Variants in RALYL observed in about 807,000 individuals in gnomAD.
The protein encoded by RALYL is RNA-binding Raly-like protein.
RALYL carries 29 observed loss-of-function variants against 35.1 expected under a neutral mutation model. That is an observed-to-expected ratio of 0.83 (90% CI 0.61 to 1.13). The LOEUF (loss-of-function observed/expected upper bound fraction) is 1.13. Among genes scored for constraint, RALYL ranks in the 50% most tolerant of loss-of-function variants. RALYL has a pLI of 0.00. For synonymous variants in RALYL, 120 were observed against 127.6 expected, an observed-to-expected ratio of 0.94 and a Z score of 0.40; for missense variants, 359 against 360.4, an observed-to-expected ratio of 1.00 and a Z score of 0.03.
chr8:84,693,338 G>A (rs979300590), intron 2 of RALYL, among the ~76,000 whole-genome samples: 8 of 151,756 alleles, frequency 5.3e-5, no homozygotes, highest in Non-Finnish European at 8.8e-5. Context: ...AAGCAAACAC[G>A]TCCTTCTTCA....
intron 6 of RALYL, chr8:84,873,020 T>G (rs1840501619): frequency 6.6e-6 from 2 of 304,278 alleles, no homozygotes; most frequent in Non-Finnish European, 1.2e-5. Context: ...AAAATATTTC[T>G]TAATTCCGTT....
intron 5 of RALYL, among the ~76,000 whole-genome samples, chr8:84,854,949 GGGGT>G (rs1339695512): frequency 6.6e-6 from 1 of 152,272 alleles, no homozygotes; most frequent in Non-Finnish European, 1.5e-5. Context: ...GACAGGTGCT[GGGGT>G]CTTTGAGGGA....
chr8:84,550,229 C>T (rs1240629143), intron 2 of RALYL, among the ~76,000 whole-genome samples: 1 of 152,070 alleles, frequency 6.6e-6, no homozygotes, highest in Non-Finnish European at 1.5e-5. Flanking sequence ...TTCTCCCTCT[C>T]TCTCCCCTCC....
intron 8 of RALYL, among the ~76,000 whole-genome samples, chr8:84,892,481 G>A (rs557048381): frequency 6.6e-6 from 1 of 152,012 alleles, no homozygotes; most frequent in South Asian, 2.1e-4. Flanking sequence ...ATGGTAGCAG[G>A]TACCTGTAAT....
chr8:84,542,652 G>A (rs376294924), intron 2 of RALYL, among the ~76,000 whole-genome samples: 3 of 152,202 alleles, frequency 2.0e-5, no homozygotes, highest in East Asian at 3.9e-4. Context: ...ATGATTGTAA[G>A]TTTCCTGAGG....
intron 5 of RALYL, among the ~76,000 whole-genome samples, chr8:84,859,326 C>T (rs2135004666): frequency 6.6e-6 from 1 of 152,164 alleles, no homozygotes; most frequent in Non-Finnish European, 1.5e-5. Context: ...GCCTCTGGTC[C>T]TTTTGTTACT....
intron 1 of RALYL, among the ~76,000 whole-genome samples, chr8:84,325,045 C>A (rs949940305): frequency 6.6e-6 from 1 of 152,040 alleles, no homozygotes; most frequent in Admixed American, 6.6e-5. Flanking sequence ...CTCATTGTGG[C>A]ATAAAGATTG....
At chr8:84,735,005 T>G (rs907898277) in intron 2 of RALYL, among the ~76,000 whole-genome samples, 1 of 146,570 alleles carries the variant, frequency 6.8e-6, no homozygotes, top group South Asian at 2.2e-4. Context: ...ATAGATATGT[T>G]TGTGTGTGTG....
At chr8:84,614,970 T>C (rs1447719248) in intron 2 of RALYL, among the ~76,000 whole-genome samples, 1 of 151,602 alleles carries the variant, frequency 6.6e-6, no homozygotes, top group Non-Finnish European at 1.5e-5. Context: ...TGAGGAATGA[T>C]GGCATAAATT....
chr8:84,802,602 A>AAAAG (rs139199262), intron 3 of RALYL, among the ~76,000 whole-genome samples: 2,008 of 152,272 alleles, frequency 0.013, 44 homozygotes, highest in African/African-American at 0.046. Context: ...CCTTCAAAAA[A>AAAAG]AAAGAGAGAG....
chr8:84,888,626 T>C (rs1195714099), intron 8 of RALYL, among the ~76,000 whole-genome samples: 2 of 152,210 alleles, frequency 1.3e-5, no homozygotes. Context: ...ACTTAACTCA[T>C]TTTGTCATGG....
At chr8:84,315,831 A>G (rs556554653) in intron 1 of RALYL, among the ~76,000 whole-genome samples, 55 of 151,786 alleles carry the variant, frequency 3.6e-4, no homozygotes, top group African/African-American at 1.3e-3. Flanking sequence ...AAAAAAAAAA[A>G]ACTTTCTGAA....
chr8:84,672,199 T>C (rs768005179), intron 2 of RALYL, among the ~76,000 whole-genome samples: 9 of 152,166 alleles, frequency 5.9e-5, no homozygotes, highest in Admixed American at 4.6e-4. Flanking sequence ...TGCTAAAGCA[T>C]AACAGGAGTC....
intron 3 of RALYL, among the ~76,000 whole-genome samples, chr8:84,794,721 GC>G (rs918229875): frequency 6.6e-6 from 1 of 152,082 alleles, no homozygotes; most frequent in African/African-American, 2.4e-5. Flanking sequence ...CCTCACTGCT[GC>G]CCCCAAAGCT....
intron 1 of RALYL, among the ~76,000 whole-genome samples, chr8:84,521,289 GGCTGTCA>G (rs2058439146): frequency 6.6e-6 from 1 of 152,186 alleles, no homozygotes; most frequent in Non-Finnish European, 1.5e-5. Context: ...AACCCAAATT[GGCTGTCA>G]GCTTGATCTG....
intron 1 of RALYL, among the ~76,000 whole-genome samples, chr8:84,294,567 C>A (rs1212433426): frequency 2.0e-5 from 3 of 151,912 alleles, no homozygotes; most frequent in African/African-American, 7.2e-5. Flanking sequence ...ATTCTAAAAG[C>A]TTCTCCTGTA....
intron 2 of RALYL, among the ~76,000 whole-genome samples, chr8:84,573,927 T>A (rs1256575882): frequency 2.0e-5 from 3 of 151,960 alleles, no homozygotes; most frequent in Non-Finnish European, 4.4e-5. Context: ...TTAGGCTTGC[T>A]TATATTATCT....
intron 8 of RALYL, among the ~76,000 whole-genome samples, chr8:84,907,537 A>G (rs1054390959): frequency 6.6e-6 from 1 of 152,114 alleles, no homozygotes; most frequent in Non-Finnish European, 1.5e-5. Context: ...AGAAAGATTA[A>G]GTAACTTCCC....
chr8:84,689,988 T>C (rs1481691117), intron 2 of RALYL, among the ~76,000 whole-genome samples: 1 of 152,096 alleles, frequency 6.6e-6, no homozygotes, highest in Non-Finnish European at 1.5e-5. Flanking sequence ...CCTCAAAAAA[T>C]TAAATCTGGA....
Sources: allele counts gnomAD v4.1 joint callset (sites outside exome capture counted in the v4.1 genomes callset), GRCh38; gene constraint gnomAD v4.1.1; transcripts MANE v1.5; gene names NCBI Gene and HGNC (gene_info 2026-07-23, HGNC 2026-07-21).